PPM1E: variants seen among roughly 807,000 people sequenced by gnomAD.
PPM1E encodes the protein protein phosphatase, Mg2+/Mn2+ dependent 1E, also known as protein phosphatase 1E.
In PPM1E, 20 loss-of-function variants were observed where a neutral mutation model predicts 65.9. The observed-to-expected ratio is 0.30, with a 90% confidence interval of 0.21 to 0.44. The LOEUF (loss-of-function observed/expected upper bound fraction) is 0.44, where lower values mean the gene tolerates loss of function less well. Among genes scored for constraint, PPM1E ranks in the 20% least tolerant of loss-of-function variants. The pLI is 1.00. For synonymous variants in PPM1E, 352 were observed against 374.9 expected, an observed-to-expected ratio of 0.94 and a Z score of 0.70; for missense variants, 713 against 953.1, an observed-to-expected ratio of 0.75 and a Z score of 3.32.
chr17:58,766,196 G>GTTTTT (rs10604459), intron 1 of PPM1E, among the ~76,000 whole-genome samples: 11 of 65,132 alleles, frequency 1.7e-4, no homozygotes, highest in Non-Finnish European at 2.3e-4. Flanking sequence ...TGTAATTTCT[G>GTTTTT]TTTTTTTTTT....
At chr17:58,944,559 ATATAAT>A (rs766528723) in intron 1 of PPM1E, among the ~76,000 whole-genome samples, 1 of 152,042 alleles carries the variant, frequency 6.6e-6, no homozygotes, top group Non-Finnish European at 1.5e-5. Flanking sequence ...TGGGCTTTTC[ATATAAT>A]TATTATTATA....
Position 58,984,774 on chromosome 17 carries a change from T to G in PPM1E, c.*3743T>G, listed in dbSNP as rs1158616694. 3 of 152,522 alleles carry G rather than the reference T, an allele frequency of 2.0e-5. No individual in the cohort carries two copies. Among genetic ancestry groups the G allele is most frequent in the Non-Finnish European group, 2.9e-5 (2 of 68,044 alleles). 9.4% of individuals were successfully genotyped at this position (152,522 alleles called of 1,614,324 possible). A position where few individuals can be genotyped will look rare whatever the true frequency, so the allele number is the denominator to read the frequency against. The stretch of plus-strand genomic sequence containing the variant: ...TGTTACTTCTTAAAGCAGCATTTTA[T>G]CTTCTATTTTGAAGACTATTTATTG... On this transcript the variant is annotated 3_prime_UTR_variant, in exon 7 of 7. Transcript: ENST00000308249.
chr17:58,947,790 G>T (rs9908679), intron 1 of PPM1E, among the ~76,000 whole-genome samples: 2 of 152,128 alleles, frequency 1.3e-5, no homozygotes, highest in African/African-American at 4.8e-5. Flanking sequence ...CTTTCAGTCA[G>T]AAATTAAAAC....
chr17:58,809,295 C>T (rs1012544446), intron 1 of PPM1E, among the ~76,000 whole-genome samples: 7 of 152,068 alleles, frequency 4.6e-5, no homozygotes, highest in African/African-American at 1.7e-4. Flanking sequence ...TACTATATTG[C>T]CCAGGCTGGT....
In PPM1E at chr17:58,805,976, AAAAAAAAACAAAACAAAAC is replaced by A. The variant is rs1567838857; in HGVS notation, c.464+49520_464+49538del. Among the ~76,000 whole-genome samples, 575 of 109,282 alleles carry A rather than the reference AAAAAAAAACAAAACAAAAC, an allele frequency of 5.3e-3. 29 individuals carry two copies. Among genetic ancestry groups the A allele is most frequent in the East Asian group, 0.018 (61 of 3,330 alleles). The allele number at this position is 109,282 out of a possible 152,430, so 71.7% of individuals were successfully genotyped here. On this transcript the variant is annotated intron_variant, in intron 1 of 6. Coordinates refer to ENST00000308249, the MANE Select transcript of PPM1E (RefSeq NM_014906.5). ...AAAAAAAAAACAAAAAAAAAAAACAAAAAAAAAACAAAACAAAACAAAACAAAAAAAAAACTATATGTAG... is the reference window on the plus strand; with the variant it reads ...AAAAAAAAAACAAAAAAAAAAAACAAAAAACAAAAAAAAAACTATATGTAG...
intron 1 of PPM1E, among the ~76,000 whole-genome samples, chr17:58,865,561 A>G (rs545002369): frequency 1.3e-5 from 2 of 151,988 alleles, no homozygotes; most frequent in Middle Eastern, 3.4e-3. Flanking sequence ...TTCACCAGGT[A>G]TGATGGTGCA....
At chr17:58,874,326 T>C (rs1027384679) in intron 1 of PPM1E, among the ~76,000 whole-genome samples, 3 of 152,158 alleles carry the variant, frequency 2.0e-5, no homozygotes, top group African/African-American at 7.2e-5. Flanking sequence ...GCTGAAGAGA[T>C]TGTAGGTCAG....
At chr17:58,965,585 A>T in intron 2 of PPM1E, 109 bp from the exon 3 acceptor site, 3 of 1,016,440 alleles carry the variant, frequency 3.0e-6, no homozygotes, top group Non-Finnish European at 3.0e-6. Context: ...AATTTCTTCT[A>T]TGAAGGAGGA....
intron 1 of PPM1E, among the ~76,000 whole-genome samples, chr17:58,821,180 G>A (rs941182263): frequency 1.6e-4 from 25 of 152,070 alleles, no homozygotes; most frequent in Non-Finnish European, 2.5e-4. Context: ...GTGCAATCTT[G>A]GCTCACTGCA....
In PPM1E at chr17:58,972,826, G is replaced by A. The variant is rs1233888242; in HGVS notation, c.1117-6G>A. On this transcript the variant is annotated splice_polypyrimidine_tract_variant and splice_region_variant and intron_variant, in intron 5 of 6. Coordinates refer to ENST00000308249, the MANE Select transcript of PPM1E (RefSeq NM_014906.5). ...ATTTGCTTCTTTTTATTGCATTGCT[G>A]TTTAGGATGAAAAGCAGAGAATTGA... 3 of 1,610,446 alleles carry A rather than the reference G, an allele frequency of 1.9e-6. No individual in the cohort carries two copies. Among genetic ancestry groups the A allele is most frequent in the Non-Finnish European group, 2.5e-6 (3 of 1,176,894 alleles).
At chr17:58,911,970 C>T (rs141220800) in intron 1 of PPM1E, among the ~76,000 whole-genome samples, 13 of 152,210 alleles carry the variant, frequency 8.5e-5, no homozygotes, top group Non-Finnish European at 8.8e-5. Flanking sequence ...CTGGCCTCTG[C>T]GAGAGCACAC....
At chr17:58,853,740 A>G (rs1440570980) in intron 1 of PPM1E, among the ~76,000 whole-genome samples, 1 of 152,136 alleles carries the variant, frequency 6.6e-6, no homozygotes, top group Non-Finnish European at 1.5e-5. Context: ...CTGAGGCATG[A>G]GAATCGCTTG....
intron 1 of PPM1E, among the ~76,000 whole-genome samples, chr17:58,846,586 C>A (rs912754515): frequency 1.3e-5 from 2 of 152,192 alleles, no homozygotes; most frequent in Non-Finnish European, 2.9e-5. Context: ...CATGTCTCTA[C>A]AAAGGACATG....
chr17:58,756,772 C>G (rs2049771771), intron 1 of PPM1E, among the ~76,000 whole-genome samples: 2 of 152,210 alleles, frequency 1.3e-5, no homozygotes, highest in African/African-American at 4.8e-5. Context: ...CCCCCAGCTT[C>G]TAGCTCCACT....
In PPM1E at chr17:58,980,113, G is replaced by C; in HGVS notation, c.1350G>C (p.Val450=). The C allele has an allele frequency of 6.2e-7, 1 of 1,614,118 alleles. No individual in the cohort carries two copies. The highest frequency in any genetic ancestry group is 8.5e-7 in the Non-Finnish European group (1 of 1,180,012). Residue 450 remains valine (V), a synonymous_variant, in exon 7 of 7, where the codon GTG becomes GTC. Coordinates refer to ENST00000308249, the MANE Select transcript of PPM1E (RefSeq NM_014906.5). This position sits in a 1 kb window ranked among gnomAD's most constrained non-coding sequence, Gnocchi z 4.7. ...TVNPDEAVKV[V]SDHLKENNGD... ...ACCCTGATGAGGCAGTGAAAGTTGT[G>C]TCCGACCACCTGAAAGAGAATAATG...
At chr17:58,792,212 T>C (rs2050163103) in intron 1 of PPM1E, among the ~76,000 whole-genome samples, 1 of 150,462 alleles carries the variant, frequency 6.6e-6, no homozygotes. Flanking sequence ...ACATGACTTT[T>C]GTCATATCCT....
chr17:58,861,445 C>G (rs1198653858), intron 1 of PPM1E, among the ~76,000 whole-genome samples: 2 of 152,156 alleles, frequency 1.3e-5, no homozygotes, highest in African/African-American at 4.8e-5. Flanking sequence ...TTTTCTTCTT[C>G]TTGTTGGCTC....
At chr17:58,802,618 AT>A (rs2050269393) in intron 1 of PPM1E, among the ~76,000 whole-genome samples, 1 of 152,154 alleles carries the variant, frequency 6.6e-6, no homozygotes, top group African/African-American at 2.4e-5. Context: ...GAATCTGTAG[AT>A]TACATTGGAT....
chr17:58,903,093 A>G (rs2051516739), intron 1 of PPM1E, among the ~76,000 whole-genome samples: 1 of 152,202 alleles, frequency 6.6e-6, no homozygotes, highest in African/African-American at 2.4e-5. Flanking sequence ...AAGAAAACAA[A>G]TAGGAGATGG....
Sources: gnomAD v4.1 joint callset for allele counts (sites outside exome capture counted in the v4.1 genomes callset) on GRCh38, gnomAD v4.1.1 for gene constraint, Gnocchi (gnomAD v3.1) non-coding constraint, MANE v1.5 for transcripts, NCBI Gene and HGNC (gene_info 2026-07-23, HGNC 2026-07-21) for gene names.